Variants in RGS6 observed in about 807,000 individuals in gnomAD.
RGS6 encodes regulator of G-protein signaling 6.
Under a neutral mutation model 78.5 loss-of-function variants are expected in RGS6, and 30 were observed. The ratio of observed to expected loss-of-function variants is 0.38; its 90% CI spans 0.29 to 0.52. The LOEUF (loss-of-function observed/expected upper bound fraction) is 0.52. Among genes scored for constraint, RGS6 ranks in the 20% least tolerant of loss-of-function variants. RGS6 has a pLI of 0.85. For synonymous variants in RGS6, 206 were observed against 206.0 expected, an observed-to-expected ratio of 1.00 and a Z score of 0.00; for missense variants, 495 against 609.7, an observed-to-expected ratio of 0.81 and a Z score of 1.98.
At chr14:72,329,497 C>T (rs920333565) in intron 2 of RGS6, among the ~76,000 whole-genome samples, 3 of 152,260 alleles carry the variant, frequency 2.0e-5, no homozygotes, top group Non-Finnish European at 4.4e-5. Flanking sequence ...CACACCACAT[C>T]CTCCCAGGTG....
chr14:71,914,646 C>T, the RGS6 span, among the ~76,000 whole-genome samples: 120 of 152,042 alleles, frequency 7.9e-4, no homozygotes, highest in African/African-American at 2.7e-3. Context: ...ATTTTGGGTA[C>T]GGAGTTTCAC....
rs371931041 is a variant in RGS6 at position 71,943,259 on chromosome 14, G to C, written c.-21+10318G>C. ...TGTGTTTCTGAACCTTAGTTTTCTC[G>C]TCTGTGAAAGAATAATTTAAAAAAT... On this transcript the variant is annotated intron_variant, in intron 1 of 17. Transcript: ENST00000553525. Among the ~76,000 whole-genome samples the C allele has an allele frequency of 2.0e-5, 3 of 152,070 alleles. No homozygotes were observed. In the South Asian group the frequency reaches 6.2e-4, roughly 32 times the overall value.
intron 2 of RGS6, among the ~76,000 whole-genome samples, chr14:72,309,161 C>G (rs543404548): frequency 6.6e-6 from 1 of 152,300 alleles, no homozygotes; most frequent in East Asian, 1.9e-4. Flanking sequence ...GGAACCGGAG[C>G]TGTTCTAGGG....
the RGS6 span, among the ~76,000 whole-genome samples, chr14:72,592,538 A>T: frequency 3.5e-4 from 53 of 152,288 alleles, no homozygotes; most frequent in African/African-American, 1.2e-3. Context: ...AGAGCTAAAA[A>T]CTTATTACAG....
chr14:71,982,826 G>T (rs2094527968), intron 2 of RGS6, among the ~76,000 whole-genome samples: 1 of 152,134 alleles, frequency 6.6e-6, no homozygotes, highest in African/African-American at 2.4e-5. Context: ...TTAACAAAAT[G>T]TTTTTCAGCA....
At chr14:72,171,379 C>A (rs1343275904) in intron 2 of RGS6, among the ~76,000 whole-genome samples, 1 of 152,152 alleles carries the variant, frequency 6.6e-6, no homozygotes, top group Non-Finnish European at 1.5e-5. Flanking sequence ...TATACAAGAA[C>A]TACCAGCCTA....
chr14:72,253,038 C>T (rs2056203626), intron 2 of RGS6, among the ~76,000 whole-genome samples: 1 of 152,246 alleles, frequency 6.6e-6, no homozygotes, highest in South Asian at 2.1e-4. Flanking sequence ...TCAGCATTTG[C>T]ACAAAGTCAG....
chr14:72,485,472 T>G (rs543323098), intron 12 of RGS6, among the ~76,000 whole-genome samples: 1 of 152,210 alleles, frequency 6.6e-6, no homozygotes, highest in Non-Finnish European at 1.5e-5. Context: ...CTGCCTGGCC[T>G]TCTCATTGTC....
At chr14:72,063,538 G>C (rs2093992933) in intron 2 of RGS6, among the ~76,000 whole-genome samples, 1 of 152,128 alleles carries the variant, frequency 6.6e-6, no homozygotes, top group African/African-American at 2.4e-5. Context: ...TTTTGCTGTG[G>C]GGTGAGAGGT....
At chr14:72,157,347 C>A (rs1779084157) in intron 2 of RGS6, among the ~76,000 whole-genome samples, 1 of 152,040 alleles carries the variant, frequency 6.6e-6, no homozygotes, top group Non-Finnish European at 1.5e-5. Context: ...GGTTTTCTAG[C>A]CCCAGAAGTT....
intron 17 of RGS6, among the ~76,000 whole-genome samples, chr14:72,560,238 G>A (rs60438522): frequency 0.02 from 3,082 of 152,262 alleles, 98 homozygotes; most frequent in African/African-American, 0.071. Flanking sequence ...GGAGGAGGAG[G>A]ACCTGATATT....
chr14:72,264,349 T>G (rs2058679548), intron 2 of RGS6, among the ~76,000 whole-genome samples: 1 of 152,258 alleles, frequency 6.6e-6, no homozygotes, highest in Admixed American at 6.5e-5. Flanking sequence ...TAAGTAAATC[T>G]GTGTGAGTAG....
intron 12 of RGS6, among the ~76,000 whole-genome samples, chr14:72,487,339 A>G (rs747075491): frequency 6.6e-6 from 1 of 152,224 alleles, no homozygotes; most frequent in Non-Finnish European, 1.5e-5. Flanking sequence ...ATTTTTTCAC[A>G]TAAATTGCAG....
At chr14:71,999,682 T>G (rs1010979880) in intron 2 of RGS6, among the ~76,000 whole-genome samples, 1 of 152,136 alleles carries the variant, frequency 6.6e-6, no homozygotes, top group African/African-American at 2.4e-5. Flanking sequence ...TCTCATGAGC[T>G]CTGGTTGTTT....
intron 6 of RGS6, chr14:72,464,578 A>G (rs999413268): frequency 2.0e-5 from 3 of 152,242 alleles, no homozygotes; most frequent in African/African-American, 7.2e-5. Flanking sequence ...TTGTTGTCCA[A>G]CAACAAAATG....
the RGS6 span, among the ~76,000 whole-genome samples, chr14:71,911,249 G>A: frequency 6.6e-6 from 1 of 152,082 alleles, no homozygotes; most frequent in African/African-American, 2.4e-5. Context: ...TAATTCCTAC[G>A]GGACTAGAGG....
chr14:72,612,991 G>GGTGT, the RGS6 span, among the ~76,000 whole-genome samples: 2 of 71,014 alleles, frequency 2.8e-5, no homozygotes, highest in African/African-American at 9.8e-5. Flanking sequence ...CATTAAGTAG[G>GGTGT]GCGTGTGTGT....
At chr14:72,326,845 C>G (rs1044470044) in intron 2 of RGS6, among the ~76,000 whole-genome samples, 2 of 152,174 alleles carry the variant, frequency 1.3e-5, no homozygotes, top group Admixed American at 1.3e-4. Context: ...GTCGCTGGGA[C>G]TACAGGCGCC....
chr14:72,463,718 C>T (rs997347321), intron 6 of RGS6, among the ~76,000 whole-genome samples: 4 of 152,246 alleles, frequency 2.6e-5, no homozygotes, highest in African/African-American at 9.6e-5. Flanking sequence ...CACTGACCTG[C>T]ACTGCTCAAA....
Sources: gnomAD v4.1 joint callset for allele counts (sites outside exome capture counted in the v4.1 genomes callset) on GRCh38, gnomAD v4.1.1 for gene constraint, MANE v1.5 for transcripts, NCBI Gene and HGNC (gene_info 2026-07-23, HGNC 2026-07-21) for gene names.